HMCN1: variants seen among roughly 807,000 people sequenced by gnomAD.
HMCN1 encodes hemicentin 1.
Under a neutral mutation model 625.9 loss-of-function variants are expected in HMCN1, and 321 were observed. That is an observed-to-expected ratio of 0.51 (90% confidence interval 0.47 to 0.56). The LOEUF is 0.56. HMCN1 is among the 20% of genes least tolerant of loss of function. The pLI is 0.00. For missense variants in HMCN1, 6,588 were observed against 6,887.3 expected, an observed-to-expected ratio of 0.96 and a Z score of 1.54; for synonymous variants, 2,425 against 2,417.6, an observed-to-expected ratio of 1.00 and a Z score of -0.09.
intron 68 of HMCN1, among the ~76,000 whole-genome samples, chr1:186,102,941 C>T (rs1660448521): frequency 6.6e-6 from 1 of 152,082 alleles, no homozygotes; most frequent in African/African-American, 2.4e-5. Flanking sequence ...TTACTCCCAT[C>T]CAGACATAAC....
intron 1 of HMCN1, among the ~76,000 whole-genome samples, chr1:185,835,105 G>A (rs1343490153): frequency 6.6e-6 from 1 of 152,150 alleles, no homozygotes; most frequent in East Asian, 1.9e-4. Context: ...ATTTTGGTTT[G>A]AGTACAGATC....
chr1:186,035,650 A>G (rs1197784780), intron 36 of HMCN1, among the ~76,000 whole-genome samples: 4 of 151,958 alleles, frequency 2.6e-5, no homozygotes, highest in Admixed American at 6.6e-5. Context: ...ACATATTCTT[A>G]TCTTGATTTC....
chr1:186,039,178 T>C (rs778053407), intron 38 of HMCN1, among the ~76,000 whole-genome samples, 173 bp downstream of exon 38: 1 of 152,198 alleles, frequency 6.6e-6, no homozygotes, highest in Non-Finnish European at 1.5e-5. Context: ...CCTATTAAAA[T>C]GCTCAATTTC....
At chr1:185,922,351 G>T in intron 6 of HMCN1, 28 bp from the exon 7 acceptor site, 1 of 1,612,168 alleles carries the variant, frequency 6.2e-7, no homozygotes, top group South Asian at 1.1e-5. Flanking sequence ...ATCAACTGCT[G>T]ACCAGGTTTG....
At chr1:186,026,825 G>C (rs1185262706) in intron 36 of HMCN1, among the ~76,000 whole-genome samples, 1 of 151,888 alleles carries the variant, frequency 6.6e-6, no homozygotes, top group East Asian at 1.9e-4. Flanking sequence ...TGTAGAGATG[G>C]GATTTCACCA....
At chr1:185,939,689 G>A (rs995645475) in intron 11 of HMCN1, among the ~76,000 whole-genome samples, 6 of 151,808 alleles carry the variant, frequency 4.0e-5, no homozygotes, top group Non-Finnish European at 7.4e-5. Flanking sequence ...TTTATTAGAG[G>A]GTTGAATTAT....
intron 14 of HMCN1, among the ~76,000 whole-genome samples, chr1:185,968,182 C>T (rs1650555252): frequency 6.6e-6 from 1 of 151,976 alleles, no homozygotes; most frequent in Non-Finnish European, 1.5e-5. Flanking sequence ...TAAGATGTTG[C>T]CTTTTTCATT....
chr1:185,962,796 G>A lies in HMCN1; in HGVS notation c.1970+137G>A, dbSNP rs973921681. On this transcript the variant is annotated intron_variant, in intron 12 of 106. Coordinates refer to ENST00000271588, the MANE Select transcript of HMCN1 (RefSeq NM_031935.3). ...TACTTAGCTTTACATTTTCTAAACA[G>A]GCTATGAATGTCAAAAATAATATAA... is the stretch of plus-strand genomic sequence containing the variant. 75 of 671,178 alleles carry A rather than the reference G, an allele frequency of 1.1e-4. No homozygotes were observed. The Middle Eastern group carries it at 1.2e-3, about 11-fold the overall frequency. 41.6% of individuals were successfully genotyped at this position (671,178 alleles called of 1,614,324 possible).
chr1:185,862,056 G>T (rs577101326), intron 2 of HMCN1, among the ~76,000 whole-genome samples: 1 of 152,004 alleles, frequency 6.6e-6, no homozygotes, highest in Non-Finnish European at 1.5e-5. Flanking sequence ...ATGGCATTAA[G>T]GTGTGAAGCA....
chr1:185,955,874 CA>C (rs1649582369), intron 11 of HMCN1, among the ~76,000 whole-genome samples: 1 of 152,108 alleles, frequency 6.6e-6, no homozygotes, highest in Non-Finnish European at 1.5e-5. Flanking sequence ...CTCCAGTTTA[CA>C]TTACTTGAGT....
chr1:186,136,045 G>A (rs968232187), intron 86 of HMCN1, among the ~76,000 whole-genome samples: 2 of 152,030 alleles, frequency 1.3e-5, no homozygotes, highest in Admixed American at 6.6e-5. Context: ...GCGTGGTGGC[G>A]GGTGCCTGTA....
At position 185,993,167 on chromosome 1, in the gene HMCN1, G is replaced by A; in HGVS notation, c.3378-15G>A. 1 of 1,609,762 alleles carries A rather than the reference G, an allele frequency of 6.2e-7. No individual in the cohort carries two copies. The highest frequency in any genetic ancestry group is 8.5e-7 in the Non-Finnish European group (1 of 1,176,484). On this transcript the variant is annotated splice_polypyrimidine_tract_variant and intron_variant, in intron 22 of 106. Coordinates refer to ENST00000271588, the MANE Select transcript of HMCN1 (RefSeq NM_031935.3). ...CTCCTCTTCCATGGTCTACTATATGGTTTCTTTCTTTTAGACACACATTCC... is the reference window on the plus strand; with the variant it reads ...CTCCTCTTCCATGGTCTACTATATGATTTCTTTCTTTTAGACACACATTCC...
intron 6 of HMCN1, among the ~76,000 whole-genome samples, chr1:185,912,910 A>G (rs1001943534): frequency 1.3e-5 from 2 of 152,138 alleles, no homozygotes; most frequent in African/African-American, 4.8e-5. Context: ...TTCCTTACAT[A>G]AAAAATGGAA....
intron 15 of HMCN1, among the ~76,000 whole-genome samples, chr1:185,971,520 TATGAC>T (rs1650831415): frequency 6.6e-6 from 1 of 152,216 alleles, no homozygotes; most frequent in Non-Finnish European, 1.5e-5. Context: ...ACTTATAAAA[TATGAC>T]ATTGCATTCA....
At chr1:186,163,877 C>T (rs1651690400) in intron 97 of HMCN1, among the ~76,000 whole-genome samples, 1 of 152,102 alleles carries the variant, frequency 6.6e-6, no homozygotes, top group Non-Finnish European at 1.5e-5. Context: ...AAAAACTTCC[C>T]AAATTCCACC....
chr1:185,924,215 CTTT>C (rs58164381), intron 8 of HMCN1, among the ~76,000 whole-genome samples: 332 of 43,402 alleles, frequency 7.6e-3, no homozygotes, highest in African/African-American at 0.029. Flanking sequence ...CTGACCCAAT[CTTT>C]TTTTTTTTTT....
intron 30 of HMCN1, among the ~76,000 whole-genome samples, chr1:186,014,566 A>G (rs1405979169): frequency 2.0e-5 from 3 of 152,046 alleles, no homozygotes; most frequent in African/African-American, 7.2e-5. Context: ...GCCCTTATGT[A>G]GTGTGAGAGG....
Position 185,927,262 on chromosome 1 carries a change from C to T in HMCN1, c.1431-1284C>T, listed in dbSNP as rs911878866. Among the ~76,000 whole-genome samples, 2 of 152,126 alleles carry T rather than the reference C, an allele frequency of 1.3e-5. 1 individual carries two copies. Among genetic ancestry groups the T allele is most frequent in the Admixed American group, 1.3e-4 (2 of 15,272 alleles). On this transcript the variant is annotated intron_variant, in intron 9 of 106. Coordinates refer to ENST00000271588, the MANE Select transcript of HMCN1 (RefSeq NM_031935.3). ...CCTACCTTGCTGAAACTTACCAGTA[C>T]CTCCTAGATGATGACATTTACAAAT...
At chr1:186,053,257 TTTTTTA>T (rs1430675425) in intron 43 of HMCN1, among the ~76,000 whole-genome samples, 183 bp downstream of exon 43, 2 of 152,032 alleles carry the variant, frequency 1.3e-5, no homozygotes, top group African/African-American at 4.8e-5. Context: ...CCAGCTGAAA[TTTTTTA>T]TTTTTAAGAC....
Sources: allele counts gnomAD v4.1 joint callset (sites outside exome capture counted in the v4.1 genomes callset), GRCh38; gene constraint gnomAD v4.1.1; transcripts MANE v1.5; gene names NCBI Gene and HGNC (gene_info 2026-07-23, HGNC 2026-07-21).